The following TULP4 variants were observed in gnomAD, a reference collection of about 807,000 sequenced individuals.
The protein encoded by TULP4 is TUB like protein 4.
Under a neutral mutation model 129.0 loss-of-function variants are expected in TULP4, and 16 were observed. The observed-to-expected ratio is 0.12, with a 90% confidence interval of 0.08 to 0.19. The LOEUF (loss-of-function observed/expected upper bound fraction) is 0.19, where lower values mean the gene tolerates loss of function less well. TULP4 is among the 10% of genes least tolerant of loss of function. TULP4 has a pLI of 1.00. For missense variants in TULP4, 1,842 were observed against 2,059.1 expected (o/e 0.89, Z 2.04); for synonymous variants, 998 against 854.0 (o/e 1.17, Z -2.94).
intron 1 of TULP4, among the ~76,000 whole-genome samples, chr6:158,388,139 CTCA>C (rs1271730419): frequency 6.6e-6 from 1 of 151,980 alleles, no homozygotes; most frequent in African/African-American, 2.4e-5. Context: ...CCAGAGTAAT[CTCA>C]TCTTTTTCTA....
intron 1 of TULP4, among the ~76,000 whole-genome samples, chr6:158,306,400 T>C (rs1192905508): frequency 6.6e-6 from 1 of 152,162 alleles, no homozygotes; most frequent in Non-Finnish European, 1.5e-5. Context: ...CTTCAAAAAG[T>C]ACAAAAAGTT....
intron 3 of TULP4, among the ~76,000 whole-genome samples, chr6:158,437,147 A>G (rs551161944): frequency 2.9e-4 from 44 of 152,246 alleles, no homozygotes; most frequent in Non-Finnish European, 5.1e-4. Context: ...TTTGCAAGAA[A>G]TATGACCTTT....
chr6:158,337,341 A>G (rs1780068094), intron 1 of TULP4, among the ~76,000 whole-genome samples: 1 of 151,620 alleles, frequency 6.6e-6, no homozygotes, highest in Non-Finnish European at 1.5e-5. Flanking sequence ...ATGTTGCCCA[A>G]ACTGGTCTTG....
At chr6:158,291,854 A>G (rs956929613) in intron 1 of TULP4, among the ~76,000 whole-genome samples, 1 of 152,190 alleles carries the variant, frequency 6.6e-6, no homozygotes, top group Non-Finnish European at 1.5e-5. Context: ...TTTCATTTCT[A>G]AAAGATTTGG....
intron 2 of TULP4, among the ~76,000 whole-genome samples, chr6:158,414,860 C>G (rs1161534732): frequency 6.6e-6 from 1 of 152,152 alleles, no homozygotes; most frequent in African/African-American, 2.4e-5. Flanking sequence ...TCTCCAGGAA[C>G]CCTGTTCCAA....
Position 158,287,673 on chromosome 6 carries a change from C to A in TULP4, n.116+5295C>A, listed in dbSNP as rs534639588. On this transcript the variant is annotated intron_variant and non_coding_transcript_variant, in intron 1 of 1. Transcript: ENST00000432358. Reference sequence around the variant, plus strand: ...CAAGGATTTATGGAATCGGTGATGTCGAAGCTGCATCATGAAAGATGGCTA... The same window carrying A: ...CAAGGATTTATGGAATCGGTGATGTAGAAGCTGCATCATGAAAGATGGCTA... Among the ~76,000 whole-genome samples, 66 of 152,258 alleles carry A rather than the reference C, an allele frequency of 4.3e-4. No individual in the cohort carries two copies. In the South Asian group the frequency reaches 0.013, roughly 31 times the overall value.
chr6:158,363,730 C>T (rs1274068355), intron 1 of TULP4, among the ~76,000 whole-genome samples: 1 of 151,874 alleles, frequency 6.6e-6, no homozygotes, highest in East Asian at 1.9e-4. Flanking sequence ...AGGTGATCCA[C>T]CCCCCCGGCC....
chr6:158,360,347 C>T (rs1445737952), intron 1 of TULP4, among the ~76,000 whole-genome samples: 3 of 152,054 alleles, frequency 2.0e-5, no homozygotes, highest in Non-Finnish European at 4.4e-5. Flanking sequence ...TGGAAATGGT[C>T]GGGAACTGAT....
intron 1 of TULP4, among the ~76,000 whole-genome samples, chr6:158,315,240 C>T (rs1048504951): frequency 3.3e-5 from 5 of 151,836 alleles, no homozygotes; most frequent in Admixed American, 2.6e-4. Flanking sequence ...TCTCACAGTT[C>T]GGGAGGCTGA....
At chr6:158,256,262 C>CT (rs55897530) in intron 1 of TULP4, among the ~76,000 whole-genome samples, 49,880 of 151,868 alleles carry the variant, frequency 0.33, 9,196 homozygotes, top group Admixed American at 0.45. Context: ...AGATTGTTTT[C>CT]TTTTTTCTTT....
At chr6:158,250,943 C>T (rs1226162100) in intron 1 of TULP4, among the ~76,000 whole-genome samples, 1 of 152,126 alleles carries the variant, frequency 6.6e-6, no homozygotes, top group Non-Finnish European at 1.5e-5. Context: ...ATCACTTATT[C>T]ATTATTTATT....
At chr6:158,309,726 C>CA (rs1382494460), upstream of TULP4, among the ~76,000 whole-genome samples, 34 of 151,800 alleles carry the variant, frequency 2.2e-4, no homozygotes, top group Non-Finnish European at 4.3e-4. Flanking sequence ...CCGTCTCCAC[C>CA]AAAAAAATAC....
chr6:158,457,093 A>G lies in TULP4; in HGVS notation c.860-4470A>G, dbSNP rs556678855. Reference sequence around the variant, plus strand: ...ATACTGTTGGAGACGGCACATGGCAATGTTTTTAGCCTGGGGTCATCTGTT... The same window carrying G: ...ATACTGTTGGAGACGGCACATGGCAGTGTTTTTAGCCTGGGGTCATCTGTT... On this transcript the variant is annotated intron_variant, in intron 5 of 13. Coordinates refer to ENST00000367097, the MANE Select transcript of TULP4 (RefSeq NM_020245.5). Among the ~76,000 whole-genome samples, 3 of 152,236 alleles carry G rather than the reference A, an allele frequency of 2.0e-5. No homozygotes were observed. The East Asian group carries it at 5.8e-4, about 29-fold the overall frequency.
intron 2 of TULP4, among the ~76,000 whole-genome samples, chr6:158,422,914 G>T (rs1252538384): frequency 6.6e-6 from 1 of 152,258 alleles, no homozygotes; most frequent in Non-Finnish European, 1.5e-5. Context: ...ACAAGGGCCG[G>T]AAGGCGCCCG....
At chr6:158,383,202 G>T (rs1203536095) in intron 1 of TULP4, among the ~76,000 whole-genome samples, 2 of 152,202 alleles carry the variant, frequency 1.3e-5, no homozygotes, top group Non-Finnish European at 2.9e-5. Context: ...TTTGACTTCA[G>T]ACTGGGGTGC....
intron 5 of TULP4, among the ~76,000 whole-genome samples, chr6:158,458,047 A>G (rs1036408113): frequency 5.9e-5 from 9 of 152,164 alleles, no homozygotes; most frequent in African/African-American, 2.2e-4. Context: ...TGCATGTCTA[A>G]TGACTAATAA....
In TULP4 at chr6:158,465,649, T is replaced by C. The variant is rs1332905522; in HGVS notation, c.1026+3920T>C. Among the ~76,000 whole-genome samples the C allele has an allele frequency of 2.1e-5, 3 of 145,844 alleles. 1 individual carries two copies. Among genetic ancestry groups the C allele is most frequent in the Non-Finnish European group, 4.7e-5 (3 of 64,248 alleles). ...TAAAGAGGTTTATTTTGAGCCAGTA[T>C]GAGTGATGCTGGCCCAGCAAAACAG... is the stretch of plus-strand genomic sequence containing the variant. On this transcript the variant is annotated intron_variant, in intron 6 of 13. Coordinates refer to ENST00000367097, the MANE Select transcript of TULP4 (RefSeq NM_020245.5).
intron 1 of TULP4, among the ~76,000 whole-genome samples, chr6:158,345,835 G>C (rs1562528415): frequency 6.6e-6 from 1 of 152,168 alleles, no homozygotes; most frequent in South Asian, 2.1e-4. Flanking sequence ...ACCCTAGTAA[G>C]CCTGAGGGTA....
At chr6:158,405,928 C>T (rs1205382548) in intron 1 of TULP4, among the ~76,000 whole-genome samples, 1 of 152,184 alleles carries the variant, frequency 6.6e-6, no homozygotes, top group Non-Finnish European at 1.5e-5. Flanking sequence ...CTAATTGATA[C>T]AGTTGTTTTC....
Sources: gnomAD v4.1 joint callset for allele counts (sites outside exome capture counted in the v4.1 genomes callset) on GRCh38, gnomAD v4.1.1 for gene constraint, MANE v1.5 for transcripts, NCBI Gene and HGNC (gene_info 2026-07-23, HGNC 2026-07-21) for gene names.